The following SLC44A5 variants were observed in gnomAD, a reference collection of about 807,000 sequenced individuals.
The protein encoded by SLC44A5 is choline transporter-like protein 5.
SLC44A5 carries 57 observed loss-of-function variants against 101.8 expected under a neutral mutation model. The ratio of observed to expected loss-of-function variants is 0.56; its 90% CI spans 0.45 to 0.70. The LOEUF (loss-of-function observed/expected upper bound fraction) is 0.70, where lower values mean the gene tolerates loss of function less well. SLC44A5 is among the 30% of genes least tolerant of loss of function. SLC44A5 has a pLI of 0.00. For synonymous variants in SLC44A5, 281 were observed against 290.9 expected (o/e 0.97, Z 0.35); for missense variants, 737 against 853.1 (o/e 0.86, Z 1.70).
the SLC44A5 span, among the ~76,000 whole-genome samples, chr1:75,698,509 C>A: frequency 2.0e-5 from 3 of 152,198 alleles, no homozygotes; most frequent in Admixed American, 2.0e-4. Flanking sequence ...CTGTACATCA[C>A]CATCATCAAA....
chr1:75,204,674 G>A (rs912922837), intron 23 of SLC44A5: 1 of 152,012 alleles, frequency 6.6e-6, no homozygotes, highest in Non-Finnish European at 1.5e-5. Flanking sequence ...TATAAAGATA[G>A]ATGGGGTTTC....
the SLC44A5 span, among the ~76,000 whole-genome samples, chr1:75,656,230 A>C: frequency 6.6e-6 from 1 of 152,322 alleles, no homozygotes; most frequent in Admixed American, 6.5e-5. Context: ...ATTAATCACC[A>C]CCAGACCTGT....
At chr1:75,676,552 G>A in the SLC44A5 span, among the ~76,000 whole-genome samples, 2 of 152,150 alleles carry the variant, frequency 1.3e-5, no homozygotes, top group African/African-American at 4.8e-5. Flanking sequence ...GGGAAAAAAT[G>A]TTGGAAGGGG....
intron 11 of SLC44A5, among the ~76,000 whole-genome samples, chr1:75,235,482 TTATC>T (rs939480455): frequency 4.6e-5 from 7 of 151,912 alleles, no homozygotes; most frequent in Non-Finnish European, 1.0e-4. Context: ...AGCGTGGAAA[TTATC>T]TAGTGACATT....
At chr1:75,291,362 C>T (rs1444489988) in intron 5 of SLC44A5, among the ~76,000 whole-genome samples, 1 of 152,048 alleles carries the variant, frequency 6.6e-6, no homozygotes, top group Non-Finnish European at 1.5e-5. Flanking sequence ...AAAGTGCTTC[C>T]TCTGTGTCAG....
At position 75,300,663 on chromosome 1, in the gene SLC44A5, A is replaced by G. The variant is rs1446926767; in HGVS notation, c.124T>C (p.Cys42Arg). Reference sequence around the variant, plus strand: ...ATAATACACAGTAGGAAGATCATACAGCACAGAACATCTGTACAACTCCTA... The same window carrying G: ...ATAATACACAGTAGGAAGATCATACGGCACAGAACATCTGTACAACTCCTA... Reference protein sequence around the residue: ...ANRSCTDVLCCMIFLLCIIGY... With the variant: ...ANRSCTDVLCRMIFLLCIIGY... The change falls in exon 5 of 24, where the codon TGT (cysteine) becomes CGT (arginine). Residue 42 changes from cysteine (C) to arginine (R), a missense_variant. Physicochemically the swap from Cys to Arg is radical, Grantham distance 180. This residue lies in a region of SLC44A5 where 665 missense variants were observed against 764.4 expected (regional missense o/e 0.87). Coordinates refer to ENST00000370859, the MANE Select transcript of SLC44A5 (RefSeq NM_001130058.2). 1 of 1,602,996 alleles carries G rather than the reference A, an allele frequency of 6.2e-7. No individual in the cohort carries two copies. The highest frequency in any genetic ancestry group is 8.5e-7 in the Non-Finnish European group (1 of 1,175,108).
At chr1:75,296,528 A>G (rs1653977417) in intron 5 of SLC44A5, among the ~76,000 whole-genome samples, 1 of 152,108 alleles carries the variant, frequency 6.6e-6, no homozygotes, top group South Asian at 2.1e-4. Flanking sequence ...AGGGTTAGCT[A>G]CTTTCCTGAG....
the SLC44A5 span, among the ~76,000 whole-genome samples, chr1:75,669,772 G>C: frequency 6.6e-6 from 1 of 152,040 alleles, no homozygotes; most frequent in Admixed American, 6.5e-5. Flanking sequence ...TAAAATACTT[G>C]AGCAATTTCT....
intron 2 of SLC44A5, among the ~76,000 whole-genome samples, chr1:75,484,152 C>A (rs1668027000): frequency 6.6e-6 from 1 of 152,188 alleles, no homozygotes; most frequent in African/African-American, 2.4e-5. Context: ...ATCAATCATG[C>A]CTTCCCAACA....
chr1:75,676,057 C>T, the SLC44A5 span, among the ~76,000 whole-genome samples: 2 of 151,914 alleles, frequency 1.3e-5, no homozygotes, highest in Non-Finnish European at 2.9e-5. Context: ...CATATGTTGG[C>T]GAGGCTGCAG....
At chr1:75,643,679 T>C in the SLC44A5 span, among the ~76,000 whole-genome samples, 1 of 152,236 alleles carries the variant, frequency 6.6e-6, no homozygotes, top group African/African-American at 2.4e-5. Context: ...CAAGATCCCA[T>C]TGTTTTATAA....
At chr1:75,577,540 T>C (rs1673441328) in intron 1 of SLC44A5, among the ~76,000 whole-genome samples, 1 of 152,136 alleles carries the variant, frequency 6.6e-6, no homozygotes, top group Admixed American at 6.5e-5. Flanking sequence ...AATGTCACAG[T>C]CTCGGTGAGC....
the SLC44A5 span, among the ~76,000 whole-genome samples, chr1:75,623,472 A>T: frequency 1.3e-5 from 2 of 152,100 alleles, no homozygotes; most frequent in Non-Finnish European, 2.9e-5. Flanking sequence ...TTTTTTAAAA[A>T]TTTCTCACAC....
chr1:75,646,259 C>A, the SLC44A5 span, among the ~76,000 whole-genome samples: 1 of 141,828 alleles, frequency 7.1e-6, no homozygotes, highest in African/African-American at 2.4e-5. Context: ...TCTTCCTATC[C>A]ATGAGCATGG....
chr1:75,370,851 G>A (rs1436108738), intron 3 of SLC44A5, among the ~76,000 whole-genome samples: 1 of 152,172 alleles, frequency 6.6e-6, no homozygotes, highest in East Asian at 1.9e-4. Context: ...GTAAAACTGA[G>A]CATTTAGTAA....
intron 2 of SLC44A5, among the ~76,000 whole-genome samples, chr1:75,397,828 G>T (rs999153395): frequency 6.6e-6 from 1 of 152,118 alleles, no homozygotes; most frequent in Non-Finnish European, 1.5e-5. Flanking sequence ...CTCCAGTAAT[G>T]TCAAATGTAT....
the SLC44A5 span, among the ~76,000 whole-genome samples, chr1:75,645,634 G>A: frequency 4.6e-5 from 7 of 150,658 alleles, no homozygotes; most frequent in South Asian, 2.2e-4. Context: ...TAGTTTAATT[G>A]GATCCCATTT....
intron 4 of SLC44A5, among the ~76,000 whole-genome samples, chr1:75,325,087 C>T (rs927399465): frequency 6.6e-6 from 1 of 152,058 alleles, no homozygotes; most frequent in African/African-American, 2.4e-5. Context: ...ATTCTCAACA[C>T]AACCAGGGTA....
chr1:75,366,641 T>C (rs1242519544), intron 3 of SLC44A5, among the ~76,000 whole-genome samples: 5 of 152,238 alleles, frequency 3.3e-5, no homozygotes, highest in Non-Finnish European at 7.3e-5. Flanking sequence ...TTTCTTGTTA[T>C]GAAATTCTTA....
Sources: allele counts gnomAD v4.1 joint callset (sites outside exome capture counted in the v4.1 genomes callset), GRCh38; gene constraint gnomAD v4.1.1; regional missense constraint gnomAD v4.1.1; transcripts MANE v1.5; gene names NCBI Gene and HGNC (gene_info 2026-07-23, HGNC 2026-07-21).